NRCAM: variants seen among roughly 807,000 people sequenced by gnomAD.
NRCAM encodes NgCAM-related cell adhesion molecule.
NRCAM carries 83 observed loss-of-function variants against 156.5 expected under a neutral mutation model. The ratio of observed to expected loss-of-function variants is 0.53; its 90% confidence interval spans 0.44 to 0.64. The LOEUF (loss-of-function observed/expected upper bound fraction) is 0.64, where lower values mean the gene tolerates loss of function less well. NRCAM is among the 30% of genes least tolerant of loss of function. The pLI is 0.00. For missense variants in NRCAM, 1,417 were observed against 1,597.3 expected (o/e 0.89, Z 1.92); for synonymous variants, 538 against 563.9 (o/e 0.95, Z 0.65).
intron 2 of NRCAM, among the ~76,000 whole-genome samples, chr7:108,376,753 CT>C (rs955624023): frequency 1.3e-5 from 2 of 152,164 alleles, no homozygotes; most frequent in African/African-American, 2.4e-5. Flanking sequence ...TGCAATCTGC[CT>C]TAAACGCAAG....
chr7:108,182,554 A>T (rs1460667178), intron 23 of NRCAM, 141 bp downstream of exon 23: 1 of 684,378 alleles, frequency 1.5e-6, no homozygotes, highest in African/African-American at 1.8e-5. Context: ...TTTCTTACAC[A>T]GCAGGCTGTT....
intron 3 of NRCAM, among the ~76,000 whole-genome samples, chr7:108,247,647 T>C (rs1441819396): frequency 5.9e-5 from 9 of 152,216 alleles, no homozygotes; most frequent in African/African-American, 2.2e-4. Context: ...GCCTAATTTA[T>C]TGTCTTAGGC....
rs575219727 is a variant in NRCAM at position 108,410,635 on chromosome 7, T to G, written c.-331-11042A>C. Among the ~76,000 whole-genome samples the G allele has an allele frequency of 3.0e-4, 45 of 152,294 alleles. 1 individual carries two copies. The highest frequency in any genetic ancestry group is 1.1e-3 in the African/African-American group (44 of 41,558). On this transcript the variant is annotated intron_variant, in intron 1 of 32. Coordinates refer to ENST00000379028, the MANE Select transcript of NRCAM (RefSeq NM_001037132.4). ...AACCTTCCCTGAAGGTAGATTTTAC[T>G]TTAATACAGTACTAAGAACTTTGTA... is the stretch of plus-strand genomic sequence containing the variant.
chr7:108,301,305 G>A (rs1383940755), intron 3 of NRCAM, among the ~76,000 whole-genome samples: 1 of 152,186 alleles, frequency 6.6e-6, no homozygotes, highest in Non-Finnish European at 1.5e-5. Flanking sequence ...CAGAACAATG[G>A]CAAGCAAAAT....
intron 1 of NRCAM, among the ~76,000 whole-genome samples, chr7:108,434,991 C>T (rs377733687): frequency 3.3e-5 from 5 of 149,430 alleles, no homozygotes; most frequent in Non-Finnish European, 7.4e-5. Flanking sequence ...ACAAAAATTA[C>T]GAGACAAGTA....
At chr7:108,207,174 G>C (rs1181217300) in intron 13 of NRCAM, 1 of 189,514 alleles carries the variant, frequency 5.3e-6, no homozygotes, top group South Asian at 1.1e-4. Flanking sequence ...ATCTCCTCTA[G>C]TGCCTGTGAC....
intron 3 of NRCAM, among the ~76,000 whole-genome samples, chr7:108,310,376 A>T (rs1548948): frequency 0.9 from 136,131 of 151,904 alleles, 61,075 homozygotes; most frequent in East Asian, 1. Context: ...CAGGTAGAAG[A>T]CAGATTTCCC....
intron 1 of NRCAM, among the ~76,000 whole-genome samples, chr7:108,452,999 T>C (rs1215295086): frequency 6.6e-6 from 1 of 151,274 alleles, no homozygotes; most frequent in Non-Finnish European, 1.5e-5. Context: ...TTTGTGCAAG[T>C]TCATCGGCTA....
At chr7:108,426,519 C>T (rs1163461205) in intron 1 of NRCAM, among the ~76,000 whole-genome samples, 2 of 152,198 alleles carry the variant, frequency 1.3e-5, no homozygotes, top group Middle Eastern at 3.2e-3. Flanking sequence ...GCAGAAGCCT[C>T]ATTCAGGGTA....
chr7:108,351,248 T>C (rs147431024), intron 2 of NRCAM, among the ~76,000 whole-genome samples: 6 of 152,184 alleles, frequency 3.9e-5, no homozygotes, highest in Non-Finnish European at 8.8e-5. Context: ...AAAGAAGGCC[T>C]TTACCAGATG....
At chr7:108,243,503 G>GT (rs2095681447) in intron 3 of NRCAM, among the ~76,000 whole-genome samples, 1 of 152,158 alleles carries the variant, frequency 6.6e-6, no homozygotes, top group African/African-American at 2.4e-5. Context: ...TCTTCATTAA[G>GT]TGAGAATCAT....
At chr7:108,367,249 C>G (rs892304716) in intron 2 of NRCAM, among the ~76,000 whole-genome samples, 2 of 152,152 alleles carry the variant, frequency 1.3e-5, no homozygotes, top group Admixed American at 1.3e-4. Context: ...TTTGAAATAT[C>G]ATCCTGCTAA....
At chr7:108,258,631 T>G (rs559803844) in intron 3 of NRCAM, among the ~76,000 whole-genome samples, 1 of 152,346 alleles carries the variant, frequency 6.6e-6, no homozygotes, top group African/African-American at 2.4e-5. Flanking sequence ...GCATTGGTTA[T>G]GTTCAACAAG....
At chr7:108,189,621 A>T in intron 20 of NRCAM, 24 bp downstream of exon 20, 1 of 958,006 alleles carries the variant, frequency 1.0e-6, no homozygotes, top group Non-Finnish European at 1.7e-6. Flanking sequence ...GTTGATCGGA[A>T]ATAGAGCAAA....
intron 1 of NRCAM, among the ~76,000 whole-genome samples, chr7:108,437,235 G>A (rs866872752): frequency 6.6e-6 from 1 of 152,164 alleles, no homozygotes; most frequent in Non-Finnish European, 1.5e-5. Context: ...TGAACTCATG[G>A]ACATAGAAAG....
At chr7:108,231,253 T>C (rs2094291925) in intron 7 of NRCAM, 100 bp from the exon 8 acceptor site, 2 of 767,698 alleles carry the variant, frequency 2.6e-6, no homozygotes, top group Non-Finnish European at 4.0e-6. Flanking sequence ...GAGAAATAAT[T>C]TGTAATTTAT....
intron 6 of NRCAM, among the ~76,000 whole-genome samples, chr7:108,233,421 C>G (rs1229494689): frequency 6.6e-6 from 1 of 152,122 alleles, no homozygotes; most frequent in Non-Finnish European, 1.5e-5. Flanking sequence ...CGGATGCTGC[C>G]AAATATCCTA....
chr7:108,226,397 A>C lies in NRCAM; in HGVS notation c.551-19T>G, dbSNP rs751872939. The C allele has an allele frequency of 6.3e-7, 1 of 1,597,694 alleles. No individual in the cohort carries two copies. Among genetic ancestry groups the C allele is most frequent in the South Asian group, 1.1e-5 (1 of 89,682 alleles). On this transcript the variant is annotated intron_variant, in intron 8 of 32. Coordinates refer to ENST00000379028, the MANE Select transcript of NRCAM (RefSeq NM_001037132.4). The stretch of plus-strand genomic sequence containing the variant: ...TGAAAGGCTGGAGAAAGGCAGAGAG[A>C]TATCAAGATTATTCCATCATAAAGT...
At chr7:108,169,975 G>A (rs1288620997) in intron 28 of NRCAM, among the ~76,000 whole-genome samples, 1 of 152,028 alleles carries the variant, frequency 6.6e-6, no homozygotes, top group African/African-American at 2.4e-5. Context: ...TTTTACATTG[G>A]TTTCTATGGG....
Sources: allele counts gnomAD v4.1 joint callset (sites outside exome capture counted in the v4.1 genomes callset), GRCh38; gene constraint gnomAD v4.1.1; transcripts MANE v1.5; gene names NCBI Gene and HGNC (gene_info 2026-07-23, HGNC 2026-07-21).